The following RALB variants were observed in gnomAD, a reference collection of about 807,000 sequenced individuals.
RALB encodes the protein RAS like proto-oncogene B.
A neutral mutation model predicts 21.3 loss-of-function variants in RALB; 16 were observed. That is an observed-to-expected ratio of 0.75 (90% CI 0.51 to 1.14). RALB has a LOEUF of 1.14. Ranked by LOEUF, RALB falls within the 50% of genes most tolerant of loss-of-function variation. The probability of loss-of-function intolerance (pLI) is 0.00; values close to 1 mark genes in which losing one functional copy is unlikely to be tolerated. For synonymous variants in RALB, 93 were observed against 96.1 expected, an observed-to-expected ratio of 0.97 and a Z score of 0.19; for missense variants, 161 against 256.2, an observed-to-expected ratio of 0.63 and a Z score of 2.54.
At chr2:120,278,153 TGTGA>T (rs1010253462) in intron 1 of RALB, among the ~76,000 whole-genome samples, 4 of 151,706 alleles carry the variant, frequency 2.6e-5, no homozygotes, top group African/African-American at 7.3e-5. Flanking sequence ...GTGAGCGTGT[TGTGA>T]GTGTGTGCGT....
chr2:120,249,946 A>G (rs1309184813), upstream of RALB, among the ~76,000 whole-genome samples: 1 of 152,166 alleles, frequency 6.6e-6, no homozygotes, highest in Non-Finnish European at 1.5e-5. Flanking sequence ...GACTTTGCAC[A>G]GGCTTATGCC....
In RALB at chr2:120,289,632, G is replaced by A. The variant is rs762186246; in HGVS notation, c.376G>A (p.Val126Met). ...AEEDKIPLLVVGNKSDLEERR... is the reference protein window; with the variant it reads ...AEEDKIPLLVMGNKSDLEERR... Reference sequence around the variant, plus strand: ...AGAAGATAAAATTCCACTGCTCGTCGTGGGAAACAAGTCTGACCTAGAGGA... The same window carrying A: ...AGAAGATAAAATTCCACTGCTCGTCATGGGAAACAAGTCTGACCTAGAGGA... The change falls in exon 4 of 5, where the codon GTG (valine) becomes ATG (methionine). Residue 126 changes from valine to methionine, a missense_variant. Transcript: ENST00000272519. 40 of 1,614,028 alleles carry A rather than the reference G, an allele frequency of 2.5e-5. No homozygotes were observed. The Admixed American group carries it at 5.0e-4, about 20-fold the overall frequency.
chr2:120,274,350 A>AG (rs1321482818), intron 1 of RALB, among the ~76,000 whole-genome samples: 1 of 152,084 alleles, frequency 6.6e-6, no homozygotes, highest in Non-Finnish European at 1.5e-5. Flanking sequence ...TTTAAAAAAA[A>AG]AAAGTACGTA....
intron 1 of RALB, among the ~76,000 whole-genome samples, chr2:120,259,509 C>A (rs184912773): frequency 9.5e-4 from 142 of 149,848 alleles, no homozygotes; most frequent in African/African-American, 3.0e-3. Context: ...TTTACAATCC[C>A]TGAGCTAGAC....
upstream of RALB, among the ~76,000 whole-genome samples, chr2:120,248,595 T>C (rs1173027965): frequency 6.6e-6 from 1 of 152,132 alleles, no homozygotes; most frequent in Non-Finnish European, 1.5e-5. Flanking sequence ...CGGAACAGCA[T>C]CCTAACCTCG....
intron 1 of RALB, among the ~76,000 whole-genome samples, chr2:120,259,665 A>C (rs897525166): frequency 1.3e-5 from 2 of 152,212 alleles, no homozygotes; most frequent in Non-Finnish European, 2.9e-5. Context: ...TCCCCACCAG[A>C]CTCAGGAGCC....
Position 120,292,355 on chromosome 2 carries a change from T to C in RALB, c.502-786T>C, listed in dbSNP as rs187246736. ...AGTTGTTGATGCTTTACGCCCTCCT[T>C]CTCCCATCCTACTGCCTCCCCAGGG... On this transcript the variant is annotated intron_variant, in intron 4 of 4. Transcript: ENST00000272519. Among the ~76,000 whole-genome samples the C allele has an allele frequency of 2.0e-3, 304 of 152,218 alleles. 1 individual carries two copies. The highest frequency in any genetic ancestry group is 6.8e-3 in the Middle Eastern group (2 of 294).
chr2:120,282,437 C>T (rs535623923), intron 2 of RALB, among the ~76,000 whole-genome samples: 3 of 151,194 alleles, frequency 2.0e-5, no homozygotes, highest in African/African-American at 7.3e-5. Context: ...AAGATCGCAC[C>T]ATTGCATTCC....
chr2:120,259,294 C>T lies in RALB; in HGVS notation c.-48+6314C>T, dbSNP rs191065603. Among the ~76,000 whole-genome samples, 677 of 152,286 alleles carry T rather than the reference C, an allele frequency of 4.4e-3. 10 individuals carry two copies. Among genetic ancestry groups the T allele is most frequent in the African/African-American group, 0.016 (654 of 41,552 alleles). Reference sequence around the variant, plus strand: ...CCCACATCCTGCTGATTGGTAGAGCCGAATGGCCTGTTTTGTCAGGGCGCT... The same window carrying T: ...CCCACATCCTGCTGATTGGTAGAGCTGAATGGCCTGTTTTGTCAGGGCGCT... On this transcript the variant is annotated intron_variant, in intron 1 of 4. Coordinates refer to ENST00000272519, the MANE Select transcript of RALB (RefSeq NM_002881.3).
intron 1 of RALB, among the ~76,000 whole-genome samples, chr2:120,277,635 CAT>C (rs1349682574): frequency 6.8e-6 from 1 of 147,996 alleles, no homozygotes; most frequent in African/African-American, 2.5e-5. Flanking sequence ...TGTGAGTGTA[CAT>C]GAGCACAAAT....
chr2:120,269,262 C>A (rs1277207466), intron 1 of RALB, among the ~76,000 whole-genome samples: 1 of 152,136 alleles, frequency 6.6e-6, no homozygotes, highest in African/African-American at 2.4e-5. Context: ...CCGGTGGGTT[C>A]ATGGTCTCAC....
At chr2:120,286,715 CTG>C (rs1690167816) in intron 3 of RALB, among the ~76,000 whole-genome samples, 1 of 152,214 alleles carries the variant, frequency 6.6e-6, no homozygotes, top group Non-Finnish European at 1.5e-5. Context: ...ATGTATTAGA[CTG>C]TGAATTTCAT....
intron 1 of RALB, among the ~76,000 whole-genome samples, chr2:120,254,735 T>A (rs1475918247): frequency 3.3e-5 from 5 of 152,114 alleles, no homozygotes; most frequent in African/African-American, 1.2e-4. Context: ...TGGAGTGGAG[T>A]GGTGTGATCA....
intron 1 of RALB, among the ~76,000 whole-genome samples, chr2:120,243,799 G>A (rs752561742): frequency 1.2e-4 from 19 of 152,070 alleles, no homozygotes; most frequent in Non-Finnish European, 2.4e-4. Flanking sequence ...GTATTGCATC[G>A]GTATTTCATG....
At chr2:120,240,172 G>A (rs756939991) in intron 1 of RALB, 3 of 1,288,878 alleles carry the variant, frequency 2.3e-6, no homozygotes, top group South Asian at 2.5e-5. Flanking sequence ...GCCCCACAGT[G>A]ACCTTGTGAC....
At position 120,271,527 on chromosome 2, in the gene RALB, A is replaced by G. The variant is rs560270258; in HGVS notation, c.-47-7091A>G. 2.3e-4 allele frequency among the ~76,000 whole-genome samples: 35 copies of G among 152,300 alleles called. 1 individual carries two copies. The highest frequency in any genetic ancestry group is 6.8e-3 in the Middle Eastern group (2 of 294). On this transcript the variant is annotated intron_variant, in intron 1 of 4. Coordinates refer to ENST00000272519, the MANE Select transcript of RALB (RefSeq NM_002881.3). ...TGACTCCCTGTTTTCTCTAGAATCA[A>G]AGTTTCTTAAGATGGCACTTTAGGC...
chr2:120,255,663 G>A (rs1162376800), intron 1 of RALB, among the ~76,000 whole-genome samples: 2 of 152,128 alleles, frequency 1.3e-5, no homozygotes. Flanking sequence ...AAAGAGGGAC[G>A]GTATATGTGC....
At chr2:120,261,134 G>T (rs1419691670) in intron 1 of RALB, among the ~76,000 whole-genome samples, 1 of 152,190 alleles carries the variant, frequency 6.6e-6, no homozygotes, top group Non-Finnish European at 1.5e-5. Context: ...TAGAGGAATT[G>T]TGTCATTAGC....
chr2:120,253,972 C>T (rs1689127455), intron 1 of RALB, among the ~76,000 whole-genome samples: 1 of 152,088 alleles, frequency 6.6e-6, no homozygotes, highest in South Asian at 2.1e-4. Context: ...GACTGATGTT[C>T]CAAGCAGAGC....
Sources: gnomAD v4.1 joint callset for allele counts (sites outside exome capture counted in the v4.1 genomes callset) on GRCh38, gnomAD v4.1.1 for gene constraint, MANE v1.5 for transcripts, NCBI Gene and HGNC (gene_info 2026-07-23, HGNC 2026-07-21) for gene names.